CHST8: variants seen among roughly 807,000 people sequenced by gnomAD.
The protein encoded by CHST8 is carbohydrate sulfotransferase 8, also known as GALNAC-4-ST1.
Under a neutral mutation model 15.0 loss-of-function variants are expected in CHST8, and 10 were observed. That is an observed-to-expected ratio of 0.67 (90% CI 0.41 to 1.13). CHST8 has a LOEUF of 1.13. Among genes scored for constraint, CHST8 ranks in the 50% most tolerant of loss-of-function variants. The pLI is 0.00. For synonymous variants in CHST8, 259 were observed against 256.6 expected (o/e 1.01, Z -0.09); for missense variants, 634 against 608.2 (o/e 1.04, Z -0.45).
At chr19:33,730,719 A>G (rs921511185) in intron 3 of CHST8, among the ~76,000 whole-genome samples, 12 of 152,362 alleles carry the variant, frequency 7.9e-5, no homozygotes, top group African/African-American at 2.6e-4. Context: ...ATTAAGAAGT[A>G]TTGACTCCCA....
chr19:33,706,632 C>G (rs978173764), intron 3 of CHST8, among the ~76,000 whole-genome samples: 1 of 152,170 alleles, frequency 6.6e-6, no homozygotes, highest in Non-Finnish European at 1.5e-5. Context: ...AGCAGGCACT[C>G]AGCAAAGCCA....
intron 1 of CHST8, among the ~76,000 whole-genome samples, chr19:33,652,326 G>T (rs1425327185): frequency 7.5e-6 from 1 of 134,084 alleles, no homozygotes; most frequent in Non-Finnish European, 1.6e-5. Flanking sequence ...AGTTTAGTTG[G>T]TTTTCTTTTT....
At chr19:33,647,479 G>C (rs571461942) in intron 1 of CHST8, among the ~76,000 whole-genome samples, 1 of 152,216 alleles carries the variant, frequency 6.6e-6, no homozygotes, top group Non-Finnish European at 1.5e-5. Flanking sequence ...GTATATGATA[G>C]AATGGGAAGA....
chr19:33,693,572 T>C (rs1415589330), intron 3 of CHST8, among the ~76,000 whole-genome samples: 2 of 152,198 alleles, frequency 1.3e-5, no homozygotes, highest in Non-Finnish European at 2.9e-5. Context: ...TCCTTCTCCA[T>C]CTGTATTCTT....
chr19:33,728,850 G>A (rs1235609770), intron 3 of CHST8, among the ~76,000 whole-genome samples: 1 of 152,198 alleles, frequency 6.6e-6, no homozygotes, highest in African/African-American at 2.4e-5. Context: ...TGCAACACAA[G>A]GCAAGCTTGC....
At chr19:33,654,369 T>C (rs778418265) in intron 1 of CHST8, among the ~76,000 whole-genome samples, 4 of 152,160 alleles carry the variant, frequency 2.6e-5, no homozygotes, top group Non-Finnish European at 5.9e-5. Context: ...AGCTTGTTTT[T>C]CCTCATGGCG....
At chr19:33,732,239 T>C (rs1440803029) in intron 3 of CHST8, among the ~76,000 whole-genome samples, 1 of 152,200 alleles carries the variant, frequency 6.6e-6, no homozygotes, top group South Asian at 2.1e-4. Context: ...CTACCAAGAA[T>C]CGTTGTTCTG....
chr19:33,696,533 C>T (rs1973220694), intron 3 of CHST8, among the ~76,000 whole-genome samples: 1 of 152,116 alleles, frequency 6.6e-6, no homozygotes, highest in African/African-American at 2.4e-5. Context: ...GGATATATTA[C>T]ATGTAATAAT....
intron 3 of CHST8, among the ~76,000 whole-genome samples, chr19:33,734,774 C>T (rs1023130638): frequency 6.6e-6 from 1 of 152,192 alleles, no homozygotes; most frequent in Non-Finnish European, 1.5e-5. Context: ...CAGCATACCA[C>T]CCTGGGAGCA....
chr19:33,751,291 C>T (rs953757148), intron 3 of CHST8, among the ~76,000 whole-genome samples: 9 of 152,162 alleles, frequency 5.9e-5, no homozygotes. Flanking sequence ...GCCACCCTCC[C>T]GCTGTTCAAT....
Position 33,772,787 on chromosome 19 carries a change from G to A in CHST8, c.999G>A (p.Arg333=), listed in dbSNP as rs761368613. The change falls in exon 5 of 5, where the codon CGG becomes CGA. Residue 333 remains arginine (R), a synonymous_variant. Coordinates refer to ENST00000650847, the MANE Select transcript of CHST8 (RefSeq NM_001127895.2). ...ACATTCACTGGGACCATGTCAGCCG[G>A]CTCTGCAGCCCCTGCCTCATCGACT... The part of the protein sequence containing the change: ...GMDIHWDHVS[R]LCSPCLIDYD... 1.9e-6 allele frequency: 3 copies of A among 1,613,364 alleles called. No homozygotes were observed. Among genetic ancestry groups the A allele is most frequent in the East Asian group, 2.2e-5 (1 of 44,884 alleles).
intron 1 of CHST8, among the ~76,000 whole-genome samples, chr19:33,644,483 C>A (rs1023627159): frequency 1.1e-4 from 17 of 152,146 alleles, no homozygotes; most frequent in African/African-American, 3.9e-4. Context: ...GCCTGTAATT[C>A]CAGCACTTTG....
At chr19:33,771,594 A>G in intron 4 of CHST8, 144 bp downstream of exon 4, 2 of 846,334 alleles carry the variant, frequency 2.4e-6, no homozygotes, top group Non-Finnish European at 3.8e-6. Context: ...TTGGGAACAA[A>G]GCCCAGGGCT....
At chr19:33,719,880 C>T (rs767569652) in intron 3 of CHST8, among the ~76,000 whole-genome samples, 40 of 152,284 alleles carry the variant, frequency 2.6e-4, no homozygotes, top group Middle Eastern at 3.4e-3. Context: ...CCAGCCCGTC[C>T]GTGACCTCTG....
At chr19:33,718,768 G>A (rs1053575968) in intron 3 of CHST8, among the ~76,000 whole-genome samples, 3 of 152,218 alleles carry the variant, frequency 2.0e-5, no homozygotes, top group Admixed American at 1.3e-4. Context: ...CGCAGCCTGC[G>A]GAGGAGGGTG....
intron 3 of CHST8, among the ~76,000 whole-genome samples, chr19:33,698,873 G>C (rs1193782876): frequency 6.6e-6 from 1 of 152,038 alleles, no homozygotes; most frequent in Non-Finnish European, 1.5e-5. Context: ...CCACTCACAG[G>C]TCGACACACT....
intron 3 of CHST8, among the ~76,000 whole-genome samples, chr19:33,737,871 G>A (rs1213007522): frequency 6.6e-6 from 1 of 152,076 alleles, no homozygotes; most frequent in Non-Finnish European, 1.5e-5. Flanking sequence ...CCCAGGCTGT[G>A]ACTCACTGTT....
chr19:33,717,060 C>T lies in CHST8; in HGVS notation c.130+27669C>T, dbSNP rs943229532. ...ATACCGGTGGGCTGGGGGAGGTCCTCGAATGCCAGTGGGGCCTCAACCCCA... is the reference window on the plus strand; with the variant it reads ...ATACCGGTGGGCTGGGGGAGGTCCTTGAATGCCAGTGGGGCCTCAACCCCA... On this transcript the variant is annotated intron_variant, in intron 3 of 4. Coordinates refer to ENST00000650847, the MANE Select transcript of CHST8 (RefSeq NM_001127895.2). 5.3e-5 allele frequency among the ~76,000 whole-genome samples: 8 copies of T among 152,240 alleles called. No homozygotes were observed. In the South Asian group the frequency reaches 8.3e-4, roughly 16 times the overall value.
chr19:33,742,437 G>A (rs1974213307), intron 3 of CHST8, among the ~76,000 whole-genome samples: 2 of 152,170 alleles, frequency 1.3e-5, no homozygotes, highest in Admixed American at 1.3e-4. Flanking sequence ...CATAGCGAGA[G>A]AGGGAACAAG....
Sources: gnomAD v4.1 joint callset for allele counts (sites outside exome capture counted in the v4.1 genomes callset) on GRCh38, gnomAD v4.1.1 for gene constraint, MANE v1.5 for transcripts, NCBI Gene and HGNC (gene_info 2026-07-23, HGNC 2026-07-21) for gene names.